Variants in HSD17B3 observed in about 807,000 individuals in gnomAD.
HSD17B3 encodes hydroxysteroid 17-beta dehydrogenase 3, also known as 17-beta-hydroxysteroid dehydrogenase type 3.
A neutral mutation model predicts 41.1 loss-of-function variants in HSD17B3; 29 were observed. The ratio of observed to expected loss-of-function variants is 0.71; its 90% CI spans 0.53 to 0.96. The LOEUF (loss-of-function observed/expected upper bound fraction) is 0.96, where lower values mean the gene tolerates loss of function less well. Ranked by LOEUF, HSD17B3 falls within the 40% of genes least tolerant of loss-of-function variation. HSD17B3 has a pLI of 0.00. For missense variants in HSD17B3, 323 were observed against 374.6 expected (o/e 0.86, Z 1.14); for synonymous variants, 126 against 145.6 (o/e 0.87, Z 0.97).
chr9:96,269,137 G>C (rs1034392406), intron 2 of HSD17B3, among the ~76,000 whole-genome samples: 16 of 152,162 alleles, frequency 1.1e-4, no homozygotes, highest in African/African-American at 2.9e-4. Context: ...ATTGCTCCTA[G>C]GCTATAAACC....
In HSD17B3 at chr9:96,268,215, C is replaced by T. The variant is rs557560217; in HGVS notation, c.202-13272G>A. Among the ~76,000 whole-genome samples, 552 of 152,156 alleles carry T rather than the reference C, an allele frequency of 3.6e-3. 1 individual carries two copies. Among genetic ancestry groups the T allele is most frequent in the Admixed American group, 6.7e-3 (102 of 15,272 alleles). ...GCTGGGATTACAGGCATGAGTCACG[C>T]GCCTGGCCTCTCCACTTATTTTCTG... On this transcript the variant is annotated intron_variant, in intron 2 of 10. Coordinates refer to ENST00000375263, the MANE Select transcript of HSD17B3 (RefSeq NM_000197.2).
intron 5 of HSD17B3, chr9:96,250,359 C>G: frequency 9.3e-7 from 1 of 1,074,380 alleles, no homozygotes; most frequent in Non-Finnish European, 1.1e-6. Flanking sequence ...GAGACAGAGC[C>G]CACACAGGAG....
At chr9:96,252,284 C>T (rs1384700186) in intron 4 of HSD17B3, among the ~76,000 whole-genome samples, 1 of 152,052 alleles carries the variant, frequency 6.6e-6, no homozygotes, top group Non-Finnish European at 1.5e-5. Context: ...GTGGCTCACA[C>T]CTGTAATCCC....
Position 96,302,138 on chromosome 9 carries a change from G to C in HSD17B3, c.-34C>G, listed in dbSNP as rs759418931. 3 of 1,609,160 alleles carry C rather than the reference G, an allele frequency of 1.9e-6. No individual in the cohort carries two copies. Among genetic ancestry groups the C allele is most frequent in the Non-Finnish European group, 2.5e-6 (3 of 1,177,554 alleles). On this transcript the variant is annotated 5_prime_UTR_variant, in exon 1 of 11. Coordinates refer to ENST00000375263, the MANE Select transcript of HSD17B3 (RefSeq NM_000197.2). ...TCAACAGACTGTTTCAGCCCTGGCC[G>C]TGGCTCTCTGTGTATGCCTCCTGGG...
chr9:96,286,702 C>A (rs10990236), intron 2 of HSD17B3, among the ~76,000 whole-genome samples: 93 of 145,490 alleles, frequency 6.4e-4, no homozygotes, highest in Admixed American at 2.3e-3. Context: ...AAAAAAAAAA[C>A]AAAAAAAAAA....
chr9:96,277,928 T>C (rs928195783), intron 2 of HSD17B3, among the ~76,000 whole-genome samples: 1 of 151,692 alleles, frequency 6.6e-6, no homozygotes, highest in Non-Finnish European at 1.5e-5. Flanking sequence ...TATGACAACA[T>C]GGATAAATGT....
chr9:96,285,009 T>C (rs1237008304), intron 2 of HSD17B3, among the ~76,000 whole-genome samples: 1 of 152,032 alleles, frequency 6.6e-6, no homozygotes, highest in East Asian at 1.9e-4. Flanking sequence ...TGGCTAATTT[T>C]TGTATTTTTA....
chr9:96,246,648 C>T (rs1004407700), intron 6 of HSD17B3, 58 bp from the exon 7 acceptor site: 12 of 1,511,844 alleles, frequency 7.9e-6, no homozygotes, highest in African/African-American at 4.1e-5. Context: ...TGCAAGGGGG[C>T]GGGATGGAAA....
chr9:96,259,876 G>C (rs929611308), intron 2 of HSD17B3, among the ~76,000 whole-genome samples: 1 of 152,170 alleles, frequency 6.6e-6, no homozygotes, highest in Non-Finnish European at 1.5e-5. Context: ...CTGATAGTCT[G>C]TTCATCAGTA....
At chr9:96,240,265 C>G (rs943906167) in intron 10 of HSD17B3, among the ~76,000 whole-genome samples, 26 of 152,196 alleles carry the variant, frequency 1.7e-4, no homozygotes, top group Non-Finnish European at 4.4e-5. Context: ...AAAAAGAGCC[C>G]TCTGTGCACC....
At chr9:96,242,005 G>GAAAGAAAGAAAGAAAGAAAGAGAA (rs10639457) in intron 9 of HSD17B3, among the ~76,000 whole-genome samples, 1 of 68,530 alleles carries the variant, frequency 1.5e-5, no homozygotes, top group African/African-American at 5.9e-5. Flanking sequence ...AAGAAAGAAA[G>GAAAGAAAGAAAGAAAGAAAGAGAA]AGAAAGAAAA....
intron 4 of HSD17B3, among the ~76,000 whole-genome samples, chr9:96,251,923 G>C (rs991453287): frequency 6.6e-6 from 1 of 152,060 alleles, no homozygotes; most frequent in Non-Finnish European, 1.5e-5. Context: ...ATGATATGCT[G>C]TACACTTTCA....
chr9:96,291,324 G>A (rs984472180), intron 2 of HSD17B3, among the ~76,000 whole-genome samples: 3 of 151,716 alleles, frequency 2.0e-5, no homozygotes, highest in African/African-American at 7.3e-5. Flanking sequence ...GGTATCAGCA[G>A]AGGCCCAGGA....
At chr9:96,277,266 G>A (rs945666759) in intron 2 of HSD17B3, among the ~76,000 whole-genome samples, 1 of 151,484 alleles carries the variant, frequency 6.6e-6, no homozygotes, top group Non-Finnish European at 1.5e-5. Context: ...ACAATCAACA[G>A]AGTGAAAAGG....
chr9:96,250,320 C>T (rs778728045), intron 5 of HSD17B3: 15 of 1,079,064 alleles, frequency 1.4e-5, no homozygotes, highest in African/African-American at 1.6e-5. Context: ...CTTGAAGAGA[C>T]GTAGATTTGT....
Position 96,260,249 on chromosome 9 carries a change from A to G in HSD17B3, c.202-5306T>C, listed in dbSNP as rs192382584. ...GATGCTATCCTTGTCCCATTTTGGT[A>G]TCCAAGTCATGCTAATCTGTCTAGA... On this transcript the variant is annotated intron_variant, in intron 2 of 10. Coordinates refer to ENST00000375263, the MANE Select transcript of HSD17B3 (RefSeq NM_000197.2). 1.4e-4 allele frequency among the ~76,000 whole-genome samples: 22 copies of G among 152,314 alleles called. No homozygotes were observed. The East Asian group carries it at 4.0e-3, about 28-fold the overall frequency.
At chr9:96,239,451 A>T (rs1836348551) in intron 10 of HSD17B3, 1 of 152,158 alleles carries the variant, frequency 6.6e-6, no homozygotes, top group African/African-American at 2.4e-5. Context: ...AAAAATAAAG[A>T]CTTTATATCC....
chr9:96,266,589 T>A (rs774613120), intron 2 of HSD17B3, among the ~76,000 whole-genome samples: 2 of 152,118 alleles, frequency 1.3e-5, no homozygotes, highest in Non-Finnish European at 2.9e-5. Context: ...AAAATTTTTG[T>A]TCCTAGAAAA....
At chr9:96,237,278 A>G (rs1170768585) in intron 10 of HSD17B3, among the ~76,000 whole-genome samples, 2 of 151,950 alleles carry the variant, frequency 1.3e-5, no homozygotes, top group Admixed American at 6.5e-5. Context: ...ATCTTTGTCT[A>G]CCCCTTCCCA....
Sources: gnomAD v4.1 joint callset for allele counts (sites outside exome capture counted in the v4.1 genomes callset) on GRCh38, gnomAD v4.1.1 for gene constraint, MANE v1.5 for transcripts, NCBI Gene and HGNC (gene_info 2026-07-23, HGNC 2026-07-21) for gene names.